EN2: variants seen among roughly 807,000 people sequenced by gnomAD.
The protein encoded by EN2 is engrailed homeobox 2, also known as homeobox protein engrailed-2.
In EN2, 7 loss-of-function variants were observed where a neutral mutation model predicts 25.0. The observed-to-expected ratio is 0.28, with a 90% CI of 0.16 to 0.53. The LOEUF is 0.53. Ranked by LOEUF, EN2 falls within the 20% of genes least tolerant of loss-of-function variation. EN2 has a pLI of 0.96. For synonymous variants in EN2, 277 were observed against 243.3 expected, an observed-to-expected ratio of 1.14 and a Z score of -1.29; for missense variants, 524 against 501.8, an observed-to-expected ratio of 1.04 and a Z score of -0.42.
At position 155,463,027 on chromosome 7, in the gene EN2, A is replaced by C. The variant is rs928828584; in HGVS notation, c.*340A>C. Reference sequence around the variant, plus strand: ...GGACACTTTTTTATTATTCCAAAAGAAGAAAAAATTAAAACAACTTGCTGA... The same window carrying C: ...GGACACTTTTTTATTATTCCAAAAGCAGAAAAAATTAAAACAACTTGCTGA... On this transcript the variant is annotated 3_prime_UTR_variant, in exon 2 of 2. Coordinates refer to ENST00000297375, the MANE Select transcript of EN2 (RefSeq NM_001427.4). 1.1e-5 allele frequency: 2 copies of C among 182,056 alleles called. 1 individual carries two copies. The allele number at this position is 182,056 out of a possible 1,614,324, so 11.3% of individuals were successfully genotyped here.
Position 155,458,750 on chromosome 7 carries a change from G to C in EN2, c.373G>C (p.Gly125Arg). 1 of 1,361,176 alleles carries C rather than the reference G, an allele frequency of 7.3e-7. No individual in the cohort carries two copies. Among genetic ancestry groups the C allele is most frequent in the Non-Finnish European group, 9.4e-7 (1 of 1,064,892 alleles). The allele number at this position is 1,361,176 out of a possible 1,614,324, so 84.3% of individuals were successfully genotyped here. A position where few individuals can be genotyped will look rare whatever the true frequency, so the allele number is the denominator to read the frequency against. Residue 125 changes from glycine to arginine, a missense_variant, in exon 1 of 2, where the codon GGC becomes CGC. Gly to Arg is a moderately radical substitution (Grantham distance 125). Coordinates refer to ENST00000297375, the MANE Select transcript of EN2 (RefSeq NM_001427.4). ...CGGCTCGGAGCAGCTCTTGGGCTCG[G>C]GCTCCCGAGAGCCCCGGCAGAACCC... ...AGGSEQLLGSGSREPRQNPPC... is the reference protein window; with the variant it reads ...AGGSEQLLGSRSREPRQNPPC...
chr7:155,458,827 T>C lies in EN2; in HGVS notation c.450T>C (p.Ser150=). ...GGPLPAAGSD[S]PGDGEGGSKT... is the part of the protein sequence containing the mutation. ...CGCTCCCAGCCGCCGGCAGCGACTC[T>C]CCGGGTGACGGGGAAGGCGGCTCCA... is the stretch of plus-strand genomic sequence containing the variant. Residue 150 remains serine, a synonymous_variant, in exon 1 of 2, where the codon TCT becomes TCC. Coordinates refer to ENST00000297375, the MANE Select transcript of EN2 (RefSeq NM_001427.4). The C allele has an allele frequency of 6.9e-7, 1 of 1,453,598 alleles. No individual in the cohort carries two copies. Among genetic ancestry groups the C allele is most frequent in the East Asian group, 2.9e-5 (1 of 34,074 alleles). The allele number at this position is 1,453,598 out of a possible 1,614,324, so 90.0% of individuals were successfully genotyped here. A position where few individuals can be genotyped will look rare whatever the true frequency, so the allele number is the denominator to read the frequency against.
chr7:155,460,572 TG>T, intron 1 of EN2, among the ~76,000 whole-genome samples: 1 of 152,360 alleles, frequency 6.6e-6, no homozygotes, highest in East Asian at 1.9e-4. Context: ...TTTTGCGGGC[TG>T]CTTCATGAGT....
chr7:155,462,837 A>C lies in EN2; in HGVS notation c.*150A>C, dbSNP rs988095476. ...TTCTGAAATATTCTATGTATATATC[A>C]TTTACAGGTGGTATAAAATCCAAAA... On this transcript the variant is annotated 3_prime_UTR_variant, in exon 2 of 2. Coordinates refer to ENST00000297375, the MANE Select transcript of EN2 (RefSeq NM_001427.4). 2.1e-6 allele frequency: 2 copies of C among 960,222 alleles called. No individual in the cohort carries two copies. The highest frequency in any genetic ancestry group is 2.8e-6 in the Non-Finnish European group (2 of 702,174). The allele number at this position is 960,222 out of a possible 1,614,324, so 59.5% of individuals were successfully genotyped here.
intron 1 of EN2, among the ~76,000 whole-genome samples, chr7:155,461,462 G>A (rs556528498): frequency 1.3e-5 from 2 of 152,326 alleles, no homozygotes; most frequent in East Asian, 3.9e-4. Flanking sequence ...CAAAACCTGG[G>A]GCAGGTCCAC....
At position 155,462,770 on chromosome 7, in the gene EN2, TA is replaced by T; in HGVS notation, c.*84del. On this transcript the variant is annotated 3_prime_UTR_variant, in exon 2 of 2. Coordinates refer to ENST00000297375, the MANE Select transcript of EN2 (RefSeq NM_001427.4). ...TCATAAAGGGCCAGTGTATAAAGAT[TA>T]TACCAGCATTAATAGTGAAAATATT... 1 of 1,389,922 alleles carries T rather than the reference TA, an allele frequency of 7.2e-7. No homozygotes were observed. The highest frequency in any genetic ancestry group is 9.6e-7 in the Non-Finnish European group (1 of 1,040,576). 86.1% of individuals were successfully genotyped at this position (1,389,922 alleles called of 1,614,324 possible). A position where few individuals can be genotyped will look rare whatever the true frequency, so the allele number is the denominator to read the frequency against.
Position 155,462,879 on chromosome 7 carries a change from A to AT in EN2, c.*199dup, listed in dbSNP as rs933169858. 3 of 695,940 alleles carry AT rather than the reference A, an allele frequency of 4.3e-6. No individual in the cohort carries two copies. Among genetic ancestry groups the AT allele is most frequent in the Non-Finnish European group, 6.3e-6 (3 of 475,584 alleles). The allele number at this position is 695,940 out of a possible 1,614,324, so 43.1% of individuals were successfully genotyped here. On this transcript the variant is annotated 3_prime_UTR_variant, in exon 2 of 2. Coordinates refer to ENST00000297375, the MANE Select transcript of EN2 (RefSeq NM_001427.4). Reference sequence around the variant, plus strand: ...AATCCAAAATATCTGACTATAAAATATTTTTTTGAGTTTTTTGTGTTTATG... The same window carrying AT: ...AATCCAAAATATCTGACTATAAAATATTTTTTTTGAGTTTTTTGTGTTTATG...
chr7:155,459,389 C>G (rs1244575175), intron 1 of EN2, among the ~76,000 whole-genome samples: 1 of 152,236 alleles, frequency 6.6e-6, no homozygotes, highest in African/African-American at 2.4e-5. Flanking sequence ...CTTCCCAGCC[C>G]CTAGCCCATG....
At position 155,459,088 on chromosome 7, in the gene EN2, C is replaced by T. The variant is rs530653839; in HGVS notation, c.685+26C>T. 17 of 1,540,778 alleles carry T rather than the reference C, an allele frequency of 1.1e-5. No individual in the cohort carries two copies. In the East Asian group the frequency reaches 1.2e-4, roughly 11 times the overall value. On this transcript the variant is annotated intron_variant, in intron 1 of 1. Coordinates refer to ENST00000297375, the MANE Select transcript of EN2 (RefSeq NM_001427.4). ...GTGAGCCCGCGGGGACCACGCGTCC[C>T]GGCTCGCCGCGGGGAGGCCCGCGGA...
chr7:155,460,658 C>CA (rs1795684708), intron 1 of EN2, among the ~76,000 whole-genome samples: 1 of 152,134 alleles, frequency 6.6e-6, no homozygotes, highest in African/African-American at 2.4e-5. Context: ...GAAACCCAGA[C>CA]AGAGATGGGC....
rs752504232 is a variant in EN2, at chr7:155,459,019, G to T, written c.642G>T (p.Pro214=). Residue 214 remains proline, a synonymous_variant, in exon 1 of 2, where the codon CCG becomes CCT. Transcript: ENST00000297375. ...TGGGCGCGCAGCCCATGCTCTGGCC[G>T]GCGTGGGTCTACTGTACGCGCTACT... is the stretch of plus-strand genomic sequence containing the variant. ...ANLGAQPMLW[P]AWVYCTRYSD... is the part of the protein sequence containing the mutation. The T allele has an allele frequency of 1.3e-5, 20 of 1,576,712 alleles. No homozygotes were observed. In the Admixed American group the frequency reaches 3.1e-4, roughly 24 times the overall value.
At chr7:155,460,804 G>A (rs939709329) in intron 1 of EN2, among the ~76,000 whole-genome samples, 1 of 152,210 alleles carries the variant, frequency 6.6e-6, no homozygotes, top group Non-Finnish European at 1.5e-5. Context: ...AGCCCTGGGC[G>A]TGAGCAAGAC....
In EN2 at chr7:155,458,246, G is replaced by A. The variant is rs1467351215; in HGVS notation, c.-132G>A. 2.5e-6 allele frequency: 3 copies of A among 1,201,146 alleles called. No individual in the cohort carries two copies. The Admixed American group carries it at 1.3e-4, about 51-fold the overall frequency. The allele number at this position is 1,201,146 out of a possible 1,614,324, so 74.4% of individuals were successfully genotyped here. ...CTTGTAGGACCTCAGCCCTGGCCGC[G>A]GCCGCCGCGCACGCCCTCGGAAGAC... On this transcript the variant is annotated 5_prime_UTR_variant, in exon 1 of 2. Transcript: ENST00000297375.
rs559318676 is a variant in EN2, at chr7:155,458,730, C to A, written c.353C>A (p.Ser118Ter). The A allele has an allele frequency of 7.5e-7, 1 of 1,341,016 alleles. No homozygotes were observed. The highest frequency in any genetic ancestry group is 9.5e-7 in the Non-Finnish European group (1 of 1,053,184). The allele number at this position is 1,341,016 out of a possible 1,614,324, so 83.1% of individuals were successfully genotyped here. A position where few individuals can be genotyped will look rare whatever the true frequency, so the allele number is the denominator to read the frequency against. Residue 118 changes from serine to a stop codon, truncating the protein, a stop_gained, in exon 1 of 2, where the codon TCG becomes TAG. Coordinates refer to ENST00000297375, the MANE Select transcript of EN2 (RefSeq NM_001427.4). LOFTEE classifies it high-confidence loss of function. Reference protein sequence around the residue: ...GAEGGGGAGGSEQLLGSGSRE... With the variant: ...GAEGGGGAGG ...GAGGGAGGCGGCGGCGCGGGCGGCT[C>A]GGAGCAGCTCTTGGGCTCGGGCTCC...
At position 155,462,469 on chromosome 7, in the gene EN2, G is replaced by A. The variant is rs1795707706; in HGVS notation, c.784G>A (p.Glu262Lys). 1.2e-6 allele frequency: 2 copies of A among 1,614,178 alleles called. No homozygotes were observed. The highest frequency in any genetic ancestry group is 1.7e-6 in the Non-Finnish European group (2 of 1,180,050). Residue 262 changes from glutamate to lysine, a missense_variant, in exon 2 of 2, where the codon GAG (glutamate) becomes AAG (lysine). Physicochemically the swap from Glu to Lys is moderately conservative, Grantham distance 56. Transcript: ENST00000297375. ...CGAGCAGCTGCAGAGGCTCAAGGCC[G>A]AGTTCCAGACCAACAGGTACCTGAC... ...TAEQLQRLKA[E>K]FQTNRYLTEQ...
In EN2 at chr7:155,462,777, G is replaced by T. The variant is rs1305783936; in HGVS notation, c.*90G>T. ...GGGCCAGTGTATAAAGATTATACCAGCATTAATAGTGAAAATATTGTGTAT... is the reference window on the plus strand; with the variant it reads ...GGGCCAGTGTATAAAGATTATACCATCATTAATAGTGAAAATATTGTGTAT... On this transcript the variant is annotated 3_prime_UTR_variant, in exon 2 of 2. Coordinates refer to ENST00000297375, the MANE Select transcript of EN2 (RefSeq NM_001427.4). 2.9e-5 allele frequency: 39 copies of T among 1,346,884 alleles called. No individual in the cohort carries two copies. The highest frequency in any genetic ancestry group is 3.9e-5 in the Non-Finnish European group (39 of 1,009,776). The allele number at this position is 1,346,884 out of a possible 1,614,324, so 83.4% of individuals were successfully genotyped here. A position where few individuals can be genotyped will look rare whatever the true frequency, so the allele number is the denominator to read the frequency against.
chr7:155,461,180 G>T (rs895081778), intron 1 of EN2, among the ~76,000 whole-genome samples: 1 of 152,070 alleles, frequency 6.6e-6, no homozygotes, highest in Non-Finnish European at 1.5e-5. Context: ...AGGGTGGGGG[G>T]CCCCCAGCCT....
rs1052042964 is a variant in EN2, at chr7:155,458,765, C to A, written c.388C>A (p.Arg130=). 2.2e-6 allele frequency: 3 copies of A among 1,371,092 alleles called. No homozygotes were observed. The highest frequency in any genetic ancestry group is 3.1e-5 in the African/African-American group (2 of 64,946). 84.9% of individuals were successfully genotyped at this position (1,371,092 alleles called of 1,614,324 possible). Residue 130 remains arginine, a synonymous_variant, in exon 1 of 2, where the codon CGG becomes AGG. Transcript: ENST00000297375. The part of the protein sequence containing the change: ...QLLGSGSREP[R]QNPPCAPGAG... ...CTTGGGCTCGGGCTCCCGAGAGCCC[C>A]GGCAGAACCCGCCATGTGCGCCCGG...
Position 155,458,491 on chromosome 7 carries a change from C to A in EN2, c.114C>A (p.Gly38=). The change falls in exon 1 of 2, where the codon GGC becomes GGA. Residue 38 remains glycine (G), a synonymous_variant. Coordinates refer to ENST00000297375, the MANE Select transcript of EN2 (RefSeq NM_001427.4). ...GCGGCGGCGGCGGTAGCAGCCCGGG[C>A]GAAGCGGACACCGGGCGCCGGCGGG... ...GSGGGGGSSP[G]EADTGRRRAL... 7.7e-7 allele frequency: 1 copy of A among 1,307,030 alleles called. No individual in the cohort carries two copies. The highest frequency in any genetic ancestry group is 9.7e-7 in the Non-Finnish European group (1 of 1,025,988). 81.0% of individuals were successfully genotyped at this position (1,307,030 alleles called of 1,614,324 possible). A position where few individuals can be genotyped will look rare whatever the true frequency, so the allele number is the denominator to read the frequency against.
Sources: gnomAD v4.1 joint callset for allele counts (sites outside exome capture counted in the v4.1 genomes callset) on GRCh38, gnomAD v4.1.1 for gene constraint, MANE v1.5 for transcripts, NCBI Gene and HGNC (gene_info 2026-07-23, HGNC 2026-07-21) for gene names.